GALNT13: variants seen among roughly 807,000 people sequenced by gnomAD.
The protein encoded by GALNT13 is polypeptide N-acetylgalactosaminyltransferase 13.
GALNT13 carries 28 observed loss-of-function variants against 64.2 expected under a neutral mutation model. The observed-to-expected ratio is 0.44, with a 90% CI of 0.32 to 0.60. The LOEUF (loss-of-function observed/expected upper bound fraction) is 0.60, where lower values mean the gene tolerates loss of function less well. Among genes scored for constraint, GALNT13 ranks in the 20% least tolerant of loss-of-function variants. GALNT13 has a pLI of 0.05. For synonymous variants in GALNT13, 214 were observed against 224.6 expected (o/e 0.95, Z 0.42); for missense variants, 577 against 669.8 (o/e 0.86, Z 1.53).
chr2:154,340,503 TG>T (rs1382069561), intron 9 of GALNT13, among the ~76,000 whole-genome samples: 4 of 152,150 alleles, frequency 2.6e-5, no homozygotes, highest in African/African-American at 9.6e-5. Context: ...TTTAATAAAA[TG>T]TTTTTTTGAT....
chr2:153,518,557 T>A, the GALNT13 span, among the ~76,000 whole-genome samples: 1 of 152,180 alleles, frequency 6.6e-6, no homozygotes, highest in Non-Finnish European at 1.5e-5. Context: ...GGCAAGTATA[T>A]TTTAAACCTC....
the GALNT13 span, among the ~76,000 whole-genome samples, chr2:153,583,891 A>G: frequency 1.3e-5 from 2 of 152,180 alleles, no homozygotes; most frequent in African/African-American, 4.8e-5. Flanking sequence ...TGCTGGTGCT[A>G]GAACCAAGCA....
chr2:154,033,033 A>G (rs745356901), intron 3 of GALNT13, among the ~76,000 whole-genome samples: 2 of 151,930 alleles, frequency 1.3e-5, no homozygotes, highest in Non-Finnish European at 2.9e-5. Flanking sequence ...GAACAAACCT[A>G]TACCATTATT....
intron 3 of GALNT13, among the ~76,000 whole-genome samples, chr2:153,964,567 A>G (rs976486906): frequency 9.2e-5 from 14 of 152,172 alleles, no homozygotes; most frequent in Non-Finnish European, 1.8e-4. Context: ...AATTCATTAT[A>G]TATTATATGT....
At chr2:153,838,534 AT>A in the GALNT13 span, among the ~76,000 whole-genome samples, 1 of 151,692 alleles carries the variant, frequency 6.6e-6, no homozygotes, top group African/African-American at 2.4e-5. Flanking sequence ...CCCATTGTGT[AT>A]TTTTGATGCC....
At chr2:153,826,714 T>C in the GALNT13 span, among the ~76,000 whole-genome samples, 1 of 151,984 alleles carries the variant, frequency 6.6e-6, no homozygotes, top group African/African-American at 2.4e-5. Flanking sequence ...TGGGAAAGGG[T>C]ATAATCAGAG....
At chr2:153,246,445 A>G in the GALNT13 span, among the ~76,000 whole-genome samples, 1 of 152,222 alleles carries the variant, frequency 6.6e-6, no homozygotes, top group African/African-American at 2.4e-5. Flanking sequence ...CTAACAGTGA[A>G]TCTCTCTGCA....
At chr2:154,338,539 G>C (rs1042215200) in intron 9 of GALNT13, among the ~76,000 whole-genome samples, 8 of 152,116 alleles carry the variant, frequency 5.3e-5, no homozygotes, top group Admixed American at 4.6e-4. Context: ...CTGGAAACAG[G>C]AGGCATGACA....
chr2:153,366,727 ACAC>A, the GALNT13 span, among the ~76,000 whole-genome samples: 2 of 83,008 alleles, frequency 2.4e-5, no homozygotes, highest in African/African-American at 4.9e-5. Flanking sequence ...AGGGACACAC[ACAC>A]ACACACACAC....
chr2:154,297,997 G>A (rs1693029557), intron 8 of GALNT13, among the ~76,000 whole-genome samples: 1 of 152,124 alleles, frequency 6.6e-6, no homozygotes, highest in Non-Finnish European at 1.5e-5. Flanking sequence ...TCAAGTAGAT[G>A]TATGGATACA....
At chr2:154,220,093 T>A (rs1287196404) in intron 4 of GALNT13, among the ~76,000 whole-genome samples, 1 of 152,056 alleles carries the variant, frequency 6.6e-6, no homozygotes, top group Non-Finnish European at 1.5e-5. Context: ...GGGTACCAAA[T>A]GGGCTATGCA....
At chr2:153,961,436 A>G (rs1692936028) in intron 3 of GALNT13, among the ~76,000 whole-genome samples, 1 of 152,000 alleles carries the variant, frequency 6.6e-6, no homozygotes. Context: ...TGTAAATATC[A>G]GGCAGATATT....
At chr2:153,121,087 A>G in the GALNT13 span, among the ~76,000 whole-genome samples, 2 of 152,184 alleles carry the variant, frequency 1.3e-5, no homozygotes, top group Non-Finnish European at 2.9e-5. Flanking sequence ...GGGGTAGAAG[A>G]GAAAAACATG....
At chr2:154,233,225 G>A (rs745943760) in intron 4 of GALNT13, among the ~76,000 whole-genome samples, 1 of 152,066 alleles carries the variant, frequency 6.6e-6, no homozygotes, top group Non-Finnish European at 1.5e-5. Context: ...GAAAGGAGAG[G>A]CCAAGGTGGA....
intron 9 of GALNT13, among the ~76,000 whole-genome samples, chr2:154,389,544 T>G (rs1698680093): frequency 6.6e-6 from 1 of 152,204 alleles, no homozygotes; most frequent in Non-Finnish European, 1.5e-5. Context: ...GTATTCTTTC[T>G]TCAGGTACTT....
chr2:153,676,449 A>T, the GALNT13 span, among the ~76,000 whole-genome samples: 1 of 152,090 alleles, frequency 6.6e-6, no homozygotes, highest in African/African-American at 2.4e-5. Context: ...AGAAGAGTAG[A>T]TACCACTCCT....
intron 3 of GALNT13, among the ~76,000 whole-genome samples, chr2:154,037,232 G>T (rs569980722): frequency 6.6e-6 from 1 of 152,234 alleles, no homozygotes; most frequent in Admixed American, 6.5e-5. Context: ...ACATGAGTGT[G>T]TGTGGTGGTT....
At chr2:153,786,711 C>T in the GALNT13 span, among the ~76,000 whole-genome samples, 12 of 152,054 alleles carry the variant, frequency 7.9e-5, no homozygotes, top group Non-Finnish European at 7.4e-5. Context: ...CCAGTAACAG[C>T]GGCTCCAAAT....
chr2:154,223,899 A>G (rs1321855437), intron 4 of GALNT13, among the ~76,000 whole-genome samples: 2 of 152,128 alleles, frequency 1.3e-5, no homozygotes, highest in Non-Finnish European at 2.9e-5. Flanking sequence ...CAGGGCATTT[A>G]TGAGGTGTTC....
Sources: allele counts gnomAD v4.1 joint callset (sites outside exome capture counted in the v4.1 genomes callset), GRCh38; gene constraint gnomAD v4.1.1; transcripts MANE v1.5; gene names NCBI Gene and HGNC (gene_info 2026-07-23, HGNC 2026-07-21).